PALS1: variants seen among roughly 807,000 people sequenced by gnomAD.
The protein encoded by PALS1 is protein associated with LIN7 1, MAGUK p55 family member, also known as protein PALS1.
Under a neutral mutation model 78.9 loss-of-function variants are expected in PALS1, and 31 were observed. The observed-to-expected ratio is 0.39, with a 90% CI of 0.30 to 0.53. PALS1 has a LOEUF of 0.53. Ranked by LOEUF, PALS1 falls within the 20% of genes least tolerant of loss-of-function variation. PALS1 has a pLI of 0.67. For missense variants in PALS1, 704 were observed against 826.5 expected (o/e 0.85, Z 1.82); for synonymous variants, 276 against 270.9 (o/e 1.02, Z -0.18).
chr14:67,251,213 G>A (rs2084057967), intron 1 of PALS1, among the ~76,000 whole-genome samples: 1 of 152,114 alleles, frequency 6.6e-6, no homozygotes, highest in South Asian at 2.1e-4. Flanking sequence ...TTTGATGAAA[G>A]CCATTTTCCA....
intron 3 of PALS1, among the ~76,000 whole-genome samples, chr14:67,284,481 A>G (rs2084649651): frequency 7.3e-6 from 1 of 136,248 alleles, no homozygotes; most frequent in African/African-American, 2.8e-5. Flanking sequence ...TAGTCCCAGC[A>G]TACTAGGGAG....
Position 67,298,598 on chromosome 14 carries a change from G to T in PALS1, c.577-2791G>T, listed in dbSNP as rs145962674. Among the ~76,000 whole-genome samples, 4 of 151,904 alleles carry T rather than the reference G, an allele frequency of 2.6e-5. No homozygotes were observed. The East Asian group carries it at 7.7e-4, about 29-fold the overall frequency. ...AAATAAATGTCAAGAATAAAGAAGG[G>T]GTATATACATAGAAATTTTCTCAAA... On this transcript the variant is annotated intron_variant, in intron 4 of 14. Transcript: ENST00000261681.
intron 9 of PALS1, among the ~76,000 whole-genome samples, chr14:67,315,029 G>A (rs1441134919): frequency 6.6e-6 from 1 of 152,148 alleles, no homozygotes; most frequent in Admixed American, 6.5e-5. Context: ...GATTGCATGA[G>A]GCTGGAAGGT....
intron 4 of PALS1, among the ~76,000 whole-genome samples, chr14:67,296,892 C>T (rs889715747): frequency 6.6e-6 from 1 of 152,106 alleles, no homozygotes; most frequent in Admixed American, 6.6e-5. Flanking sequence ...TGGGCTCAAA[C>T]AATCCTTCCA....
chr14:67,249,289 C>G lies in PALS1; in HGVS notation c.-237+7756C>G, dbSNP rs541299586. On this transcript the variant is annotated intron_variant, in intron 1 of 14. Coordinates refer to ENST00000261681, the MANE Select transcript of PALS1 (RefSeq NM_022474.4). ...ATACCAATGTTTTAAGGCAAAAAAT[C>G]AGCAGGAGAAATGACAGTAATTGTA... 2.4e-4 allele frequency among the ~76,000 whole-genome samples: 37 copies of G among 152,248 alleles called. 1 individual carries two copies. The highest frequency in any genetic ancestry group is 1.9e-3 in the Admixed American group (29 of 15,286).
intron 14 of PALS1, among the ~76,000 whole-genome samples, chr14:67,328,778 A>G (rs2085398873): frequency 6.6e-6 from 1 of 152,206 alleles, no homozygotes; most frequent in African/African-American, 2.4e-5. Flanking sequence ...GTCAAAGATC[A>G]GATGGTTGTA....
At chr14:67,330,780 CAT>C (rs745399295) in intron 14 of PALS1, among the ~76,000 whole-genome samples, 21 of 152,174 alleles carry the variant, frequency 1.4e-4, no homozygotes, top group Non-Finnish European at 1.8e-4. Context: ...CTCTTTAACA[CAT>C]GAGTTATTTA....
At chr14:67,317,842 G>A (rs1378877585) in intron 11 of PALS1, among the ~76,000 whole-genome samples, 1 of 152,150 alleles carries the variant, frequency 6.6e-6, no homozygotes, top group Non-Finnish European at 1.5e-5. Flanking sequence ...ACTACCTGCT[G>A]GCTAAGTCAG....
At chr14:67,316,767 T>TAAA in intron 9 of PALS1, 65 bp from the exon 10 acceptor site, 2 of 1,282,382 alleles carry the variant, frequency 1.6e-6, no homozygotes, top group East Asian at 2.7e-5. Context: ...CCTTCTTGAT[T>TAAA]AAAAAAAAAA....
chr14:67,295,185 G>T (rs2140846507), intron 4 of PALS1, among the ~76,000 whole-genome samples: 1 of 151,754 alleles, frequency 6.6e-6, no homozygotes, highest in South Asian at 2.1e-4. Flanking sequence ...CTTGTTGGCT[G>T]GGTGCGGTCT....
intron 1 of PALS1, among the ~76,000 whole-genome samples, chr14:67,254,953 A>G (rs1030470418): frequency 6.6e-6 from 1 of 152,226 alleles, no homozygotes; most frequent in African/African-American, 2.4e-5. Context: ...GATTGAGACC[A>G]TCCTAGCCAA....
Position 67,320,464 on chromosome 14 carries a change from A to G in PALS1, c.1537+67A>G, listed in dbSNP as rs1347282701. The stretch of plus-strand genomic sequence containing the variant: ...TACCAGCTCAGAACCTAACTATATC[A>G]TGTAGGGAAATTTTTTATTCATTTC... On this transcript the variant is annotated intron_variant, in intron 12 of 14. Transcript: ENST00000261681. 3 of 1,389,066 alleles carry G rather than the reference A, an allele frequency of 2.2e-6. No individual in the cohort carries two copies. In the East Asian group the frequency reaches 7.5e-5, roughly 35 times the overall value. The allele number at this position is 1,389,066 out of a possible 1,614,324, so 86.0% of individuals were successfully genotyped here.
chr14:67,310,630 T>C (rs2085074538), intron 8 of PALS1, among the ~76,000 whole-genome samples: 1 of 152,232 alleles, frequency 6.6e-6, no homozygotes, highest in African/African-American at 2.4e-5. Flanking sequence ...CCAAAAGGCA[T>C]AATAACATTT....
chr14:67,331,075 C>T (rs999933212), intron 14 of PALS1, among the ~76,000 whole-genome samples: 3 of 151,770 alleles, frequency 2.0e-5, no homozygotes, highest in East Asian at 2.0e-4. Context: ...GACAGAGTCT[C>T]ACTCTGTCGC....
At chr14:67,290,850 A>G (rs941688854) in intron 3 of PALS1, among the ~76,000 whole-genome samples, 1 of 152,204 alleles carries the variant, frequency 6.6e-6, no homozygotes, top group Non-Finnish European at 1.5e-5. Context: ...TGATTATTTA[A>G]TAAGTGGTAC....
At chr14:67,293,633 A>G (rs998758336) in intron 4 of PALS1, among the ~76,000 whole-genome samples, 1 of 152,178 alleles carries the variant, frequency 6.6e-6, no homozygotes, top group African/African-American at 2.4e-5. Context: ...TTGAAATAAC[A>G]TTACCTTGAT....
At chr14:67,252,011 T>C (rs8017301) in intron 1 of PALS1, among the ~76,000 whole-genome samples, 23,448 of 152,088 alleles carry the variant, frequency 0.15, 3,419 homozygotes, top group East Asian at 0.42. Flanking sequence ...TTCAAGGTGC[T>C]GGGAGGCTGG....
At chr14:67,315,158 A>G (rs2085148679) in intron 9 of PALS1, among the ~76,000 whole-genome samples, 1 of 152,076 alleles carries the variant, frequency 6.6e-6, no homozygotes, top group Non-Finnish European at 1.5e-5. Flanking sequence ...TATAGTTCAT[A>G]CTACAAAAAG....
intron 1 of PALS1, among the ~76,000 whole-genome samples, chr14:67,263,789 GT>G (rs1279253014): frequency 2.0e-4 from 30 of 152,366 alleles, no homozygotes; most frequent in South Asian, 1.0e-3. Context: ...CTAGCAAGTA[GT>G]GTTGCTGCTT....
Sources: gnomAD v4.1 joint callset for allele counts (sites outside exome capture counted in the v4.1 genomes callset) on GRCh38, gnomAD v4.1.1 for gene constraint, MANE v1.5 for transcripts, NCBI Gene and HGNC (gene_info 2026-07-23, HGNC 2026-07-21) for gene names.